Variants in CD99 observed in about 807,000 individuals in gnomAD.
CD99 encodes the protein CD99 antigen.
A neutral mutation model predicts 28.4 loss-of-function variants in CD99; 19 were observed. The ratio of observed to expected loss-of-function variants is 0.67; its 90% CI spans 0.47 to 0.98. The LOEUF (loss-of-function observed/expected upper bound fraction) is 0.98, where lower values mean the gene tolerates loss of function less well. Ranked by LOEUF, CD99 falls within the 50% of genes least tolerant of loss-of-function variation. The pLI is 0.00. For missense variants in CD99, 283 were observed against 248.8 expected, an observed-to-expected ratio of 1.14 and a Z score of -0.92; for synonymous variants, 103 against 92.1, an observed-to-expected ratio of 1.12 and a Z score of -0.67.
intron 1 of CD99, among the ~76,000 whole-genome samples, chrX:2,708,593 T>A (rs750640621): frequency 6.6e-6 from 1 of 152,222 alleles, no homozygotes; most frequent in East Asian, 1.9e-4. Context: ...TTAAAAACTG[T>A]AGAAACAGCA....
chrX:2,724,180 A>G lies in CD99; in HGVS notation c.361+816A>G, dbSNP rs1393472595. On this transcript the variant is annotated intron_variant, in intron 7 of 9. Coordinates refer to ENST00000381192, the MANE Select transcript of CD99 (RefSeq NM_002414.5). Reference sequence around the variant, plus strand: ...GTCATTTTTTAAAAAATAGCTAAGAAAACACATGTCTGGCATGTTTATCTC... The same window carrying G: ...GTCATTTTTTAAAAAATAGCTAAGAGAACACATGTCTGGCATGTTTATCTC... Among the ~76,000 whole-genome samples, 5 of 152,322 alleles carry G rather than the reference A, an allele frequency of 3.3e-5. No homozygotes were observed. In the East Asian group the frequency reaches 9.7e-4, roughly 29 times the overall value.
chrX:2,733,416 C>G (rs906523374), intron 8 of CD99: 3 of 1,570,962 alleles, frequency 1.9e-6, no homozygotes, highest in East Asian at 2.3e-5. Flanking sequence ...GCGTCCTGAC[C>G]GTAATCGTTT....
At chrX:2,719,732 G>T (rs375869363) in intron 4 of CD99, 27 bp downstream of exon 4, 55 of 1,603,756 alleles carry the variant, frequency 3.4e-5, no homozygotes, top group Non-Finnish European at 4.4e-5. Context: ...AATCTCTTCT[G>T]CTGCTGATCT....
At chrX:2,733,469 C>A (rs1603294589) in intron 8 of CD99, 5 of 1,324,512 alleles carry the variant, frequency 3.8e-6, no homozygotes, top group Admixed American at 4.0e-5. Flanking sequence ...TTCCATCTGC[C>A]GCTCCCCTCG....
intron 7 of CD99, among the ~76,000 whole-genome samples, chrX:2,724,789 A>G (rs986523587): frequency 3.9e-5 from 6 of 151,936 alleles, no homozygotes; most frequent in Admixed American, 2.6e-4. Flanking sequence ...CTGTAGTCCT[A>G]GCTACTCGGG....
rs71281938 is a variant in CD99 at position 2,720,620 on chromosome X, C to CTTTT, written c.262+215_262+218dup. On this transcript the variant is annotated intron_variant, in intron 5 of 9. Coordinates refer to ENST00000381192, the MANE Select transcript of CD99 (RefSeq NM_002414.5). ...TAGCTTGGATTTTATTTTTAGTTTG[C>CTTTT]TTTTTTTTTTTTTTTTTTTTTTGAG... is the stretch of plus-strand genomic sequence containing the variant. 1.5e-3 allele frequency among the ~76,000 whole-genome samples: 126 copies of CTTTT among 83,900 alleles called. 2 individuals carry two copies. Among genetic ancestry groups the CTTTT allele is most frequent in the African/African-American group, 2.4e-3 (50 of 20,452 alleles). The allele number at this position is 83,900 out of a possible 152,430, so 55.0% of individuals were successfully genotyped here. A position where few individuals can be genotyped will look rare whatever the true frequency, so the allele number is the denominator to read the frequency against.
chrX:2,735,204 A>G (rs1237690715), intron 8 of CD99, among the ~76,000 whole-genome samples: 3 of 152,230 alleles, frequency 2.0e-5, no homozygotes, highest in East Asian at 3.8e-4. Flanking sequence ...ATTGGCCCCA[A>G]GCACACGGTG....
Position 2,726,282 on chromosome X carries a change from C to T in CD99, c.384C>T (p.Pro128=), listed in dbSNP as rs149139871. ...CAGCCGACGCCCCAGGCGTGATCCCCGGGATTGTGGGGGCTGTCGTGGTCG... is the reference window on the plus strand; with the variant it reads ...CAGCCGACGCCCCAGGCGTGATCCCTGGGATTGTGGGGGCTGTCGTGGTCG... ...GEEADAPGVI[P]GIVGAVVVAV... is the part of the protein sequence containing the mutation. Residue 128 remains proline, a synonymous_variant, in exon 8 of 10, where the codon CCC becomes CCT. Coordinates refer to ENST00000381192, the MANE Select transcript of CD99 (RefSeq NM_002414.5). 12,086 of 1,610,934 alleles carry T rather than the reference C, an allele frequency of 7.5e-3. 437 individuals carry two copies. The highest frequency in any genetic ancestry group is 0.027 in the East Asian group (1,211 of 44,858).
At chrX:2,726,542 A>C in intron 8 of CD99, 169 bp downstream of exon 8, 1 of 695,104 alleles carries the variant, frequency 1.4e-6, no homozygotes, top group East Asian at 2.7e-5. Flanking sequence ...CTTTGATTTC[A>C]GGGCTGTTCT....
At chrX:2,705,443 A>C (rs1440943156) in intron 1 of CD99, among the ~76,000 whole-genome samples, 1 of 152,146 alleles carries the variant, frequency 6.6e-6, no homozygotes, top group Non-Finnish European at 1.5e-5. Flanking sequence ...TCAGCGCCAG[A>C]TTTTTTTAAA....
In CD99 at chrX:2,734,211, T is replaced by C. The variant is rs1236892004; in HGVS notation, c.476-3989T>C. Among the ~76,000 whole-genome samples, 5 of 152,202 alleles carry C rather than the reference T, an allele frequency of 3.3e-5. No individual in the cohort carries two copies. The East Asian group carries it at 9.6e-4, about 29-fold the overall frequency. On this transcript the variant is annotated intron_variant, in intron 8 of 9. Coordinates refer to ENST00000381192, the MANE Select transcript of CD99 (RefSeq NM_002414.5). The stretch of plus-strand genomic sequence containing the variant: ...TCTTTTACTTTTCTTATTTTTTTCT[T>C]TCTTTTCATTTTTTTCTTATTTCTT...
At chrX:2,725,835 A>T (rs2049251459) in intron 7 of CD99, among the ~76,000 whole-genome samples, 1 of 151,794 alleles carries the variant, frequency 6.6e-6, no homozygotes, top group Non-Finnish European at 1.5e-5. Flanking sequence ...CTGGTCTCAA[A>T]CTCCTGACCT....
intron 1 of CD99, among the ~76,000 whole-genome samples, chrX:2,702,213 T>C (rs2047894827): frequency 6.6e-6 from 1 of 152,052 alleles, no homozygotes; most frequent in East Asian, 1.9e-4. Flanking sequence ...TCCCAGGGCC[T>C]TGAGGGGTGA....
chrX:2,733,966 G>C (rs1288553960), intron 8 of CD99, among the ~76,000 whole-genome samples: 1 of 152,208 alleles, frequency 6.6e-6, no homozygotes, highest in Admixed American at 6.5e-5. Flanking sequence ...CATACGTTGA[G>C]GAATCACCTA....
intron 7 of CD99, among the ~76,000 whole-genome samples, chrX:2,723,842 A>G (rs1205936998): frequency 1.3e-5 from 2 of 152,134 alleles, no homozygotes; most frequent in Admixed American, 1.3e-4. Context: ...CTCCTTTTTC[A>G]TAACCTTTTC....
intron 1 of CD99, among the ~76,000 whole-genome samples, chrX:2,712,107 G>A (rs139407120): frequency 2.1e-3 from 317 of 152,222 alleles, no homozygotes; most frequent in African/African-American, 7.3e-3. Flanking sequence ...GATGTTAAGT[G>A]CAGTAAGCCG....
chrX:2,717,313 A>C (rs2048771796), intron 2 of CD99: 1 of 366,286 alleles, frequency 2.7e-6, no homozygotes, highest in East Asian at 4.7e-5. Context: ...ACACCATTGC[A>C]CTCCAGCTTG....
intron 3 of CD99, chrX:2,719,247 G>T: frequency 4.8e-6 from 1 of 206,482 alleles, no homozygotes; most frequent in Non-Finnish European, 9.8e-6. Flanking sequence ...TTCTCTTAGG[G>T]TCTACCTTTC....
chrX:2,713,314 AAAC>A lies in CD99; in HGVS notation c.68-1106_68-1104del, dbSNP rs1383345029. Reference sequence around the variant, plus strand: ...ATGCACTGACACATATGCACACAAAAAACACACTACACACACAGAAACCCACAA... The same window carrying A: ...ATGCACTGACACATATGCACACAAAAACACTACACACACAGAAACCCACAA... On this transcript the variant is annotated intron_variant, in intron 1 of 9. Coordinates refer to ENST00000381192, the MANE Select transcript of CD99 (RefSeq NM_002414.5). Among the ~76,000 whole-genome samples the A allele has an allele frequency of 2.9e-4, 35 of 122,460 alleles. No homozygotes were observed. In the South Asian group the frequency reaches 8.5e-3, roughly 30 times the overall value. The allele number at this position is 122,460 out of a possible 152,430, so 80.3% of individuals were successfully genotyped here. A position where few individuals can be genotyped will look rare whatever the true frequency, so the allele number is the denominator to read the frequency against.
Sources: gnomAD v4.1 joint callset for allele counts (sites outside exome capture counted in the v4.1 genomes callset) on GRCh38, gnomAD v4.1.1 for gene constraint, MANE v1.5 for transcripts, NCBI Gene and HGNC (gene_info 2026-07-23, HGNC 2026-07-21) for gene names.